Variants in TAS2R1 observed in about 807,000 individuals in gnomAD.
TAS2R1 encodes taste 2 receptor member 1.
For missense variants in TAS2R1, 370 were observed against 353.4 expected (o/e 1.05, Z -0.38); for synonymous variants, 141 against 134.2 (o/e 1.05, Z -0.35).
At chr5:9,884,877 G>A in the TAS2R1 span, among the ~76,000 whole-genome samples, 1 of 152,030 alleles carries the variant, frequency 6.6e-6, no homozygotes, top group African/African-American at 2.4e-5. Flanking sequence ...TGTACTTTTT[G>A]TTGTCACATA....
At chr5:9,812,926 G>A in the TAS2R1 span, among the ~76,000 whole-genome samples, 1 of 152,160 alleles carries the variant, frequency 6.6e-6, no homozygotes. Context: ...TGTAGACATG[G>A]ATTAAGTTTT....
chr5:9,747,277 A>T, the TAS2R1 span, among the ~76,000 whole-genome samples: 1 of 152,152 alleles, frequency 6.6e-6, no homozygotes, highest in Non-Finnish European at 1.5e-5. Flanking sequence ...GGTGTTAAAG[A>T]GGGGTGAATG....
intron 1 of TAS2R1, among the ~76,000 whole-genome samples, chr5:9,670,535 T>G (rs1238347385): frequency 6.6e-6 from 1 of 152,212 alleles, no homozygotes; most frequent in Non-Finnish European, 1.5e-5. Context: ...CTGAGCCTAC[T>G]CTGGCTCAGG....
At chr5:9,694,267 T>C (rs1741313556) in intron 1 of TAS2R1, among the ~76,000 whole-genome samples, 1 of 152,068 alleles carries the variant, frequency 6.6e-6, no homozygotes. Flanking sequence ...ATCAAACACA[T>C]TTTAATGCAT....
upstream of TAS2R1, among the ~76,000 whole-genome samples, chr5:9,631,762 C>T (rs1345769435): frequency 6.6e-6 from 1 of 152,200 alleles, no homozygotes; most frequent in Non-Finnish European, 1.5e-5. Flanking sequence ...GAAGGGAAGT[C>T]ATATTTTAAA....
chr5:9,901,961 G>A, the TAS2R1 span, among the ~76,000 whole-genome samples: 1 of 152,050 alleles, frequency 6.6e-6, no homozygotes, highest in Non-Finnish European at 1.5e-5. Flanking sequence ...TGAACTGAAA[G>A]GATCTCAGAG....
the TAS2R1 span, among the ~76,000 whole-genome samples, chr5:9,895,556 G>C: frequency 6.6e-6 from 1 of 152,208 alleles, no homozygotes; most frequent in Non-Finnish European, 1.5e-5. Flanking sequence ...CAGTGCAATG[G>C]TCAACAGAGA....
At chr5:9,884,615 T>G in the TAS2R1 span, among the ~76,000 whole-genome samples, 1 of 152,184 alleles carries the variant, frequency 6.6e-6, no homozygotes, top group Non-Finnish European at 1.5e-5. Flanking sequence ...CACAAGTTAC[T>G]ATTATTTATT....
the TAS2R1 span, among the ~76,000 whole-genome samples, chr5:9,808,207 T>A: frequency 6.6e-6 from 1 of 152,216 alleles, no homozygotes; most frequent in Non-Finnish European, 1.5e-5. Context: ...GAACACTGAA[T>A]GTTGGTAGAA....
At chr5:9,720,915 C>T in the TAS2R1 span, among the ~76,000 whole-genome samples, 1 of 152,218 alleles carries the variant, frequency 6.6e-6, no homozygotes, top group African/African-American at 2.4e-5. Flanking sequence ...TCTCTTGTCA[C>T]ATTCCATTAG....
At position 9,629,292 on chromosome 5, in the gene TAS2R1, G is replaced by C. The variant is rs748620995; in HGVS notation, c.741C>G (p.Leu247=). The change falls in exon 1 of 1, where the codon CTC becomes CTG. Residue 247 remains leucine (L), a synonymous_variant. Transcript: ENST00000382492. ...TTCTGATGTGAAACTTTAGAGAAGA[G>C]AGAAAAACTTTTATCATGCAGTGGG... The part of the protein sequence containing the change: ...YFSHCMIKVF[L]SSLKFHIRRF... 1 of 1,613,632 alleles carries C rather than the reference G, an allele frequency of 6.2e-7. No homozygotes were observed. Among genetic ancestry groups the C allele is most frequent in the Non-Finnish European group, 8.5e-7 (1 of 1,179,872 alleles).
chr5:9,670,765 G>C (rs1251206393), intron 1 of TAS2R1, among the ~76,000 whole-genome samples: 1 of 152,080 alleles, frequency 6.6e-6, no homozygotes, highest in East Asian at 1.9e-4. Context: ...AATTAAGAAG[G>C]AAGGACTCCT....
the TAS2R1 span, among the ~76,000 whole-genome samples, chr5:9,795,534 G>C: frequency 1.3e-5 from 2 of 152,250 alleles, no homozygotes; most frequent in African/African-American, 4.8e-5. Flanking sequence ...GAGTCAGGAT[G>C]CCATTGGAGG....
At chr5:9,799,364 A>G in the TAS2R1 span, among the ~76,000 whole-genome samples, 2 of 152,240 alleles carry the variant, frequency 1.3e-5, no homozygotes, top group Non-Finnish European at 2.9e-5. Flanking sequence ...GAATTTCCTT[A>G]GCAAGGTGAG....
chr5:9,750,512 T>C, the TAS2R1 span, among the ~76,000 whole-genome samples: 11 of 152,310 alleles, frequency 7.2e-5, no homozygotes, highest in African/African-American at 2.2e-4. Context: ...GGAAGTTTAA[T>C]CCTCTCAATT....
chr5:9,648,480 C>T (rs16883317), intron 2 of TAS2R1, among the ~76,000 whole-genome samples: 4,157 of 152,050 alleles, frequency 0.027, 69 homozygotes, highest in Middle Eastern at 0.078. Flanking sequence ...GATCCCAATG[C>T]ACTGAGTCAA....
At chr5:9,709,804 C>T (rs1453969534) in intron 1 of TAS2R1, among the ~76,000 whole-genome samples, 2 of 152,196 alleles carry the variant, frequency 1.3e-5, no homozygotes, top group African/African-American at 2.4e-5. Flanking sequence ...TGGAAACACC[C>T]AGCTAATCTG....
Position 9,628,941 on chromosome 5 carries a change from T to C in TAS2R1, c.*192A>G. 1 of 499,364 alleles carries C rather than the reference T, an allele frequency of 2.0e-6. No individual in the cohort carries two copies. Among genetic ancestry groups the C allele is most frequent in the East Asian group, 3.0e-5 (1 of 33,026 alleles). 30.9% of individuals were successfully genotyped at this position (499,364 alleles called of 1,614,324 possible). On this transcript the variant is annotated 3_prime_UTR_variant, in exon 1 of 1. Transcript: ENST00000382492. ...AATTGATGTAATCCATCAACATATG[T>C]TGTGCTTTCAAAATCAGTTTAACTG...
the TAS2R1 span, among the ~76,000 whole-genome samples, chr5:9,898,453 C>T: frequency 1.3e-5 from 2 of 152,192 alleles, no homozygotes; most frequent in Non-Finnish European, 2.9e-5. Context: ...CTAAGCTAGG[C>T]CTATTCCTGC....
Sources: gnomAD v4.1 joint callset for allele counts (sites outside exome capture counted in the v4.1 genomes callset) on GRCh38, gnomAD v4.1.1 for gene constraint, MANE v1.5 for transcripts, NCBI Gene and HGNC (gene_info 2026-07-23, HGNC 2026-07-21) for gene names.